The following HECTD4 variants were observed in gnomAD, a reference collection of about 807,000 sequenced individuals.
The protein encoded by HECTD4 is HECT domain E3 ubiquitin protein ligase 4, also known as probable E3 ubiquitin-protein ligase HECTD4.
In HECTD4, 114 loss-of-function variants were observed where a neutral mutation model predicts 471.5. That is an observed-to-expected ratio of 0.24 (90% CI 0.21 to 0.28). HECTD4 has a LOEUF of 0.28. Among genes scored for constraint, HECTD4 ranks in the 10% least tolerant of loss-of-function variants. The probability of loss-of-function intolerance (pLI) is 1.00; values close to 1 mark genes in which losing one functional copy is unlikely to be tolerated. For missense variants in HECTD4, 3,866 were observed against 5,651.5 expected, an observed-to-expected ratio of 0.68 and a Z score of 10.13; for synonymous variants, 2,012 against 2,256.0, an observed-to-expected ratio of 0.89 and a Z score of 3.07.
rs1255580218 is a variant in HECTD4, at chr12:112,164,177, C to G, written c.12633G>C (p.Arg4211Ser). ...CGCCCGTCATGGTCAGGTAGGTGAA[C>G]CTGCAGCAGGGCTTGTTGGGGCTGT... ...SPDSPNKPCC[R>S]FTYLTMTGEE... Residue 4211 changes from arginine to serine, a missense_variant, in exon 73 of 76, where the codon AGG (arginine) becomes AGC (serine). By Grantham distance (110) the Arg-to-Ser change is moderately radical. Transcript: ENST00000682272. 2.5e-6 allele frequency: 4 copies of G among 1,613,574 alleles called. No homozygotes were observed. In the African/African-American group the frequency reaches 5.3e-5, roughly 22 times the overall value.
intron 12 of HECTD4, 117 bp from the exon 13 acceptor site, chr12:112,269,966 T>C: frequency 1.1e-6 from 1 of 897,490 alleles, no homozygotes; most frequent in Non-Finnish European, 1.7e-6. Context: ...GGATTTTGTT[T>C]AACCACAATC....
chr12:112,256,236 G>T, intron 21 of HECTD4, 84 bp downstream of exon 21: 1 of 1,011,694 alleles, frequency 9.9e-7, no homozygotes, highest in Non-Finnish European at 1.4e-6. Flanking sequence ...GTCAAGAATG[G>T]TGACCAGCAG....
rs2031822290 is a variant in HECTD4, at chr12:112,185,347, G to A, written c.9619C>T (p.Pro3207Ser). Residue 3207 changes from proline (P) to serine (S), a missense_variant, in exon 61 of 76, where the codon CCC becomes TCC. Pro to Ser is a moderately conservative substitution (Grantham distance 74, BLOSUM62 -1). Around this residue, in one of 16 missense-constraint regions of HECTD4, gnomAD observed 364 missense variants for 413.2 expected, o/e 0.88. Transcript: ENST00000682272. ...AAGGCCATCAGCATGGCCAGGCAGG[G>A]GTTCAGCTGGAGGGCGATTGAGGAG... ...LSSSIALQLN[P>S]CLAMLMALQS... 1 of 1,601,658 alleles carries A rather than the reference G, an allele frequency of 6.2e-7. No homozygotes were observed. Among genetic ancestry groups the A allele is most frequent in the Non-Finnish European group, 8.5e-7 (1 of 1,174,548 alleles).
chr12:112,209,831 T>C, intron 50 of HECTD4, among the ~76,000 whole-genome samples, 184 bp downstream of exon 50: 1 of 152,208 alleles, frequency 6.6e-6, no homozygotes, highest in East Asian at 1.9e-4. Context: ...AACTTTCTGG[T>C]CTGCTGTGCT....
intron 1 of HECTD4, among the ~76,000 whole-genome samples, chr12:112,365,911 G>A (rs902297510): frequency 2.0e-5 from 3 of 151,542 alleles, no homozygotes; most frequent in Non-Finnish European, 4.4e-5. Context: ...GAGTACCTGG[G>A]ACTTGGGTGT....
chr12:112,380,566 A>T (rs189068077), intron 1 of HECTD4, among the ~76,000 whole-genome samples: 2 of 152,318 alleles, frequency 1.3e-5, no homozygotes, highest in East Asian at 3.9e-4. Context: ...GTTTTCAGGC[A>T]GATAAGACAC....
chr12:112,281,593 G>T (rs1479252915), intron 8 of HECTD4, among the ~76,000 whole-genome samples: 1 of 152,104 alleles, frequency 6.6e-6, no homozygotes, highest in Admixed American at 6.5e-5. Flanking sequence ...TCTACAGTTG[G>T]AATTATCCAC....
intron 4 of HECTD4, among the ~76,000 whole-genome samples, chr12:112,312,198 A>T (rs1434885275): frequency 6.6e-6 from 1 of 152,230 alleles, no homozygotes; most frequent in Non-Finnish European, 1.5e-5. Context: ...TAAAACATTC[A>T]ACTTCTTAAT....
At chr12:112,325,878 G>C (rs2035732544) in intron 1 of HECTD4, among the ~76,000 whole-genome samples, 1 of 151,566 alleles carries the variant, frequency 6.6e-6, no homozygotes, top group Non-Finnish European at 1.5e-5. Context: ...CAGGCTGCTG[G>C]AGTGCAGTGG....
At chr12:112,353,003 G>A (rs779697476) in intron 1 of HECTD4, among the ~76,000 whole-genome samples, 1 of 152,198 alleles carries the variant, frequency 6.6e-6, no homozygotes, top group Non-Finnish European at 1.5e-5. Flanking sequence ...TAAGTCAGTT[G>A]CCAAAAGGCT....
At chr12:112,237,531 A>G (rs1850616294) in intron 34 of HECTD4, among the ~76,000 whole-genome samples, 1 of 152,166 alleles carries the variant, frequency 6.6e-6, no homozygotes, top group Admixed American at 6.5e-5. Flanking sequence ...TGAACTTTCC[A>G]TGCTCTTTTA....
intron 66 of HECTD4, among the ~76,000 whole-genome samples, chr12:112,174,349 A>T (rs6489832): frequency 0.22 from 31,850 of 143,424 alleles, 5,424 homozygotes; most frequent in East Asian, 0.85. Flanking sequence ...ACTGCAACCC[A>T]TTGCCTCCTG....
intron 2 of HECTD4, 24 bp from the exon 3 acceptor site, chr12:112,314,570 T>C: frequency 8.0e-7 from 1 of 1,256,250 alleles, no homozygotes; most frequent in Non-Finnish European, 1.1e-6. Context: ...GAAGGAACAG[T>C]AAATCATCAA....
At chr12:112,279,809 A>AT (rs1398510091) in intron 8 of HECTD4, among the ~76,000 whole-genome samples, 3 of 152,162 alleles carry the variant, frequency 2.0e-5, no homozygotes, top group African/African-American at 4.8e-5. Context: ...TGGATTTCAG[A>AT]TTTTTTCAGA....
chr12:112,253,975 T>C (rs2033952250), intron 22 of HECTD4, 68 bp downstream of exon 22: 2 of 1,554,790 alleles, frequency 1.3e-6, no homozygotes, highest in South Asian at 2.3e-5. Context: ...TTACAGTTAG[T>C]ACTTGGACCT....
At chr12:112,253,353 G>A (rs968492674) in intron 22 of HECTD4, among the ~76,000 whole-genome samples, 1 of 152,028 alleles carries the variant, frequency 6.6e-6, no homozygotes, top group South Asian at 2.1e-4. Flanking sequence ...TCAAACTCCC[G>A]ACCTCAGGTG....
chr12:112,374,311 G>A (rs1431233140), intron 1 of HECTD4, among the ~76,000 whole-genome samples: 1 of 152,182 alleles, frequency 6.6e-6, no homozygotes, highest in East Asian at 1.9e-4. Context: ...GTGACAGAGT[G>A]AGAACCTGTC....
intron 1 of HECTD4, chr12:112,322,377 G>GAA: frequency 1.4e-5 from 2 of 142,412 alleles, no homozygotes; most frequent in Non-Finnish European, 3.1e-5. Context: ...TCTCAAAAAA[G>GAA]AAAAAAAAAA....
intron 6 of HECTD4, among the ~76,000 whole-genome samples, chr12:112,308,429 A>G (rs2035307782): frequency 6.7e-6 from 1 of 149,072 alleles, no homozygotes. Context: ...TCTGGTTCAA[A>G]AAAAGCAAAA....
Sources: allele counts gnomAD v4.1 joint callset (sites outside exome capture counted in the v4.1 genomes callset), GRCh38; gene constraint gnomAD v4.1.1; regional missense constraint gnomAD v4.1.1; transcripts MANE v1.5; gene names NCBI Gene and HGNC (gene_info 2026-07-23, HGNC 2026-07-21).